TINAG: variants seen among roughly 807,000 people sequenced by gnomAD.
TINAG encodes the protein tubulointerstitial nephritis antigen.
In TINAG, 83 loss-of-function variants were observed where a neutral mutation model predicts 72.7. The observed-to-expected ratio is 1.14, with a 90% CI of 0.96 to 1.37. TINAG has a LOEUF of 1.37. Among genes scored for constraint, TINAG ranks in the 40% most tolerant of loss-of-function variants. TINAG has a pLI of 0.00. For synonymous variants in TINAG, 234 were observed against 189.9 expected, an observed-to-expected ratio of 1.23 and a Z score of -1.91; for missense variants, 685 against 576.6, an observed-to-expected ratio of 1.19 and a Z score of -1.93.
chr6:54,372,727 CATATATATATATATATATATATAT>C (rs67301819), intron 9 of TINAG, among the ~76,000 whole-genome samples: 238 of 133,870 alleles, frequency 1.8e-3, no homozygotes, highest in Middle Eastern at 4.0e-3. Flanking sequence ...TAAATACATA[CATATATATATATATATATATATAT>C]ATATATATAT....
intron 1 of TINAG, among the ~76,000 whole-genome samples, chr6:54,311,161 A>G (rs1025844063): frequency 6.6e-6 from 1 of 151,978 alleles, no homozygotes; most frequent in Non-Finnish European, 1.5e-5. Flanking sequence ...TACAGACCTC[A>G]TTCTGTTTCT....
Position 54,354,395 on chromosome 6 carries a change from C to G in TINAG, c.1127-118C>G, listed in dbSNP as rs1326094030. On this transcript the variant is annotated intron_variant, in intron 8 of 10. Coordinates refer to ENST00000259782, the MANE Select transcript of TINAG (RefSeq NM_014464.4). ...AGAAAATTAGGCTGAATCACACAGC[C>G]CCTTCTTAGATTCATCTCCTTGCAA... 4.6e-6 allele frequency: 4 copies of G among 874,872 alleles called. No homozygotes were observed. The African/African-American group carries it at 5.3e-5, about 12-fold the overall frequency. The allele number at this position is 874,872 out of a possible 1,614,324, so 54.2% of individuals were successfully genotyped here. A position where few individuals can be genotyped will look rare whatever the true frequency, so the allele number is the denominator to read the frequency against.
chr6:54,318,181 G>A (rs1227661334), intron 1 of TINAG, among the ~76,000 whole-genome samples: 1 of 152,126 alleles, frequency 6.6e-6, no homozygotes, highest in African/African-American at 2.4e-5. Flanking sequence ...TGAAAAAGTA[G>A]ATATGGATGT....
intron 1 of TINAG, among the ~76,000 whole-genome samples, chr6:54,315,605 A>G (rs1784353978): frequency 6.6e-6 from 1 of 152,020 alleles, no homozygotes; most frequent in Admixed American, 6.6e-5. Flanking sequence ...TAAGCCCAGG[A>G]GTTTGAGGCT....
intron 1 of TINAG, 68 bp downstream of exon 1, chr6:54,308,973 C>CTTTTTCTTCTTTCTTT: frequency 7.9e-7 from 1 of 1,261,634 alleles, no homozygotes; most frequent in Non-Finnish European, 1.1e-6. Flanking sequence ...AACGTTCTCT[C>CTTTTTCTTCTTTCTTT]TTTTTCTTCT....
chr6:54,343,219 T>C lies in TINAG; in HGVS notation c.625-7T>C. ...ATCTCATATATGTACCTCTTCTTCC[T>C]CTTTAGGCTTCTTTACCTGCAACAA... On this transcript the variant is annotated splice_region_variant and splice_polypyrimidine_tract_variant and intron_variant, in intron 4 of 10. Coordinates refer to ENST00000259782, the MANE Select transcript of TINAG (RefSeq NM_014464.4). The C allele has an allele frequency of 6.5e-7, 1 of 1,542,484 alleles. No homozygotes were observed. The highest frequency in any genetic ancestry group is 2.4e-5 in the East Asian group (1 of 42,190).
chr6:54,364,745 A>G (rs1763353078), intron 9 of TINAG, among the ~76,000 whole-genome samples: 1 of 151,478 alleles, frequency 6.6e-6, no homozygotes, highest in South Asian at 2.1e-4. Context: ...CATACTTTGT[A>G]GTCATAAACC....
chr6:54,312,289 G>A (rs973661262), intron 1 of TINAG, among the ~76,000 whole-genome samples: 1 of 151,850 alleles, frequency 6.6e-6, no homozygotes, highest in Non-Finnish European at 1.5e-5. Context: ...AAACTTCAGA[G>A]CTCAAGCACT....
At chr6:54,343,409 G>C (rs540619105) in intron 5 of TINAG, 60 bp downstream of exon 5, 8 of 1,332,732 alleles carry the variant, frequency 6.0e-6, no homozygotes, top group Non-Finnish European at 7.8e-6. Context: ...TAGAGACTGA[G>C]AGAATAATTG....
intron 9 of TINAG, among the ~76,000 whole-genome samples, 195 bp downstream of exon 9, chr6:54,354,831 T>A (rs1287652716): frequency 2.0e-5 from 3 of 151,818 alleles, no homozygotes; most frequent in Non-Finnish European, 4.4e-5. Context: ...CTGGGAAAAA[T>A]GATCTTTTCC....
intron 4 of TINAG, among the ~76,000 whole-genome samples, chr6:54,342,398 G>A (rs1264299622): frequency 2.7e-5 from 4 of 147,040 alleles, no homozygotes; most frequent in East Asian, 4.0e-4. Flanking sequence ...TTGCACTGTC[G>A]CCCAGGCTGG....
intron 9 of TINAG, among the ~76,000 whole-genome samples, chr6:54,361,038 T>C (rs1000782714): frequency 6.6e-6 from 1 of 151,050 alleles, no homozygotes; most frequent in Non-Finnish European, 1.5e-5. Flanking sequence ...TTGGTGATTT[T>C]TGGTGTTATT....
At chr6:54,375,066 T>C (rs1054234499) in intron 9 of TINAG, among the ~76,000 whole-genome samples, 1 of 152,130 alleles carries the variant, frequency 6.6e-6, no homozygotes, top group Admixed American at 6.6e-5. Flanking sequence ...GTGATTCTGC[T>C]ACAGTGTAAT....
Position 54,308,656 on chromosome 6 carries a change from A to T in TINAG, c.106A>T (p.Thr36Ser). The T allele has an allele frequency of 6.2e-7, 1 of 1,613,840 alleles. No homozygotes were observed. Among genetic ancestry groups the T allele is most frequent in the Non-Finnish European group, 8.5e-7 (1 of 1,179,840 alleles). ...QREVDLEAYF[T>S]RNHTVLQGTR... ...AGAAGTGGACCTAGAGGCTTATTTC[A>T]CTAGGAATCACACCGTTTTGCAAGG... The change falls in exon 1 of 11, where the codon ACT becomes TCT. Residue 36 changes from threonine (T) to serine (S), a missense_variant. Thr to Ser is a moderately conservative substitution (Grantham distance 58). Transcript: ENST00000259782.
chr6:54,339,330 C>T lies in TINAG; in HGVS notation c.625-3896C>T, dbSNP rs193000543. The stretch of plus-strand genomic sequence containing the variant: ...CCACACTTCATTCTTCTTGTCCTTC[C>T]ATTGCCCAGCACCTTTATTTCCAAG... On this transcript the variant is annotated intron_variant, in intron 4 of 10. Transcript: ENST00000259782. 1.3e-4 allele frequency among the ~76,000 whole-genome samples: 20 copies of T among 152,314 alleles called. 1 individual carries two copies. The South Asian group carries it at 3.3e-3, about 25-fold the overall frequency.
At chr6:54,375,885 T>C (rs1763764658) in intron 9 of TINAG, among the ~76,000 whole-genome samples, 1 of 152,162 alleles carries the variant, frequency 6.6e-6, no homozygotes, top group South Asian at 2.1e-4. Flanking sequence ...ATCCGGATCA[T>C]GTCACATTCC....
intron 4 of TINAG, among the ~76,000 whole-genome samples, chr6:54,340,835 A>G (rs2150952761): frequency 6.6e-6 from 1 of 152,260 alleles, no homozygotes; most frequent in Non-Finnish European, 1.5e-5. Flanking sequence ...ATTTTTAAAG[A>G]ATAAATCATA....
At chr6:54,359,899 C>T (rs1259200761) in intron 9 of TINAG, among the ~76,000 whole-genome samples, 5 of 151,630 alleles carry the variant, frequency 3.3e-5, no homozygotes, top group Non-Finnish European at 7.4e-5. Context: ...GTAAATATTC[C>T]TTATCAGAGA....
intron 8 of TINAG, among the ~76,000 whole-genome samples, chr6:54,352,380 G>A (rs1315387001): frequency 6.6e-6 from 1 of 151,724 alleles, no homozygotes; most frequent in Non-Finnish European, 1.5e-5. Context: ...CATTTATTGA[G>A]AAACCACAGC....
Sources: allele counts gnomAD v4.1 joint callset (sites outside exome capture counted in the v4.1 genomes callset), GRCh38; gene constraint gnomAD v4.1.1; transcripts MANE v1.5; gene names NCBI Gene and HGNC (gene_info 2026-07-23, HGNC 2026-07-21).